LARP1B: variants seen among roughly 807,000 people sequenced by gnomAD.
LARP1B encodes la-related protein 1B.
LARP1B carries 76 observed loss-of-function variants against 114.2 expected under a neutral mutation model. The ratio of observed to expected loss-of-function variants is 0.67; its 90% confidence interval spans 0.55 to 0.81. The LOEUF (loss-of-function observed/expected upper bound fraction) is 0.81, where lower values mean the gene tolerates loss of function less well. Ranked by LOEUF, LARP1B falls within the 30% of genes least tolerant of loss-of-function variation. LARP1B has a pLI of 0.00. For synonymous variants in LARP1B, 345 were observed against 348.0 expected (o/e 0.99, Z 0.10); for missense variants, 1,014 against 1,075.8 (o/e 0.94, Z 0.80).
At chr4:128,202,290 G>A (rs1756213311) in intron 17 of LARP1B, among the ~76,000 whole-genome samples, 1 of 152,086 alleles carries the variant, frequency 6.6e-6, no homozygotes, top group Non-Finnish European at 1.5e-5. Flanking sequence ...TTCAAACTGT[G>A]GTTTGCTACC....
At chr4:128,171,262 C>G (rs1040044545) in intron 12 of LARP1B, among the ~76,000 whole-genome samples, 2 of 151,890 alleles carry the variant, frequency 1.3e-5, no homozygotes, top group Non-Finnish European at 2.9e-5. Flanking sequence ...CCGAGTAGGT[C>G]GGACTACAGG....
intron 12 of LARP1B, among the ~76,000 whole-genome samples, chr4:128,170,852 A>T (rs181145140): frequency 0.025 from 2,416 of 95,022 alleles, 53 homozygotes; most frequent in Middle Eastern, 0.14. Flanking sequence ...CCTTTTTATT[A>T]TTCATTTTCT....
At chr4:128,086,077 G>A (rs564776785) in intron 5 of LARP1B, among the ~76,000 whole-genome samples, 56 of 140,520 alleles carry the variant, frequency 4.0e-4, no homozygotes, top group Admixed American at 8.8e-4. Context: ...GCAGTGGCGC[G>A]ATCTCGGCTC....
intron 12 of LARP1B, among the ~76,000 whole-genome samples, chr4:128,169,747 C>T (rs998609631): frequency 6.6e-6 from 1 of 152,108 alleles, no homozygotes; most frequent in African/African-American, 2.4e-5. Flanking sequence ...AGCGATTCTC[C>T]TGCCTCAGCC....
chr4:128,087,211 G>A lies in LARP1B; in HGVS notation c.359-3790G>A, dbSNP rs192635680. On this transcript the variant is annotated intron_variant, in intron 5 of 19. Coordinates refer to ENST00000326639, the MANE Select transcript of LARP1B (RefSeq NM_018078.4). ...GCTAGGATTACAGGTGCGATCCACC[G>A]CATCCGGCCCAGATACATTTTTTCA... is the stretch of plus-strand genomic sequence containing the variant. Among the ~76,000 whole-genome samples the A allele has an allele frequency of 1.1e-3, 164 of 152,166 alleles. 1 individual carries two copies. The highest frequency in any genetic ancestry group is 6.8e-3 in the Middle Eastern group (2 of 294).
intron 8 of LARP1B, among the ~76,000 whole-genome samples, chr4:128,100,393 C>T (rs1779880654): frequency 6.6e-6 from 1 of 152,192 alleles, no homozygotes. Flanking sequence ...CTGCCTCAGC[C>T]TCCCAAGTAG....
At chr4:128,170,425 G>A (rs887024709) in intron 12 of LARP1B, among the ~76,000 whole-genome samples, 1 of 152,106 alleles carries the variant, frequency 6.6e-6, no homozygotes, top group African/African-American at 2.4e-5. Flanking sequence ...TACTGAGAGA[G>A]GAGTGTTGAA....
intron 17 of LARP1B, among the ~76,000 whole-genome samples, chr4:128,203,814 A>G (rs1377912662): frequency 6.6e-6 from 1 of 152,228 alleles, no homozygotes; most frequent in Admixed American, 6.5e-5. Context: ...GAGGGTTTAC[A>G]AATATCTATT....
intron 9 of LARP1B, among the ~76,000 whole-genome samples, chr4:128,112,748 A>G (rs1375236545): frequency 2.0e-5 from 3 of 152,094 alleles, no homozygotes; most frequent in Non-Finnish European, 4.4e-5. Flanking sequence ...TGCTGGGATT[A>G]CAGGCATGAG....
chr4:128,216,970 G>A (rs903780555), downstream of LARP1B, among the ~76,000 whole-genome samples: 2 of 151,086 alleles, frequency 1.3e-5, no homozygotes, highest in African/African-American at 4.8e-5. Flanking sequence ...TATCACCACC[G>A]ATCCCACAGA....
chr4:128,061,818 G>A, intron 1 of LARP1B: 7 of 984,830 alleles, frequency 7.1e-6, no homozygotes, highest in Non-Finnish European at 8.4e-6. Context: ...CCGCCCGAAT[G>A]TGAGGGCAAA....
chr4:128,185,338 A>G (rs1220425519), intron 15 of LARP1B, among the ~76,000 whole-genome samples: 1 of 151,956 alleles, frequency 6.6e-6, no homozygotes. Flanking sequence ...TGCAACATCC[A>G]TTATTTTTTG....
At chr4:128,092,889 C>T (rs1776386847) in intron 7 of LARP1B, 1 of 985,356 alleles carries the variant, frequency 1.0e-6, no homozygotes, top group Non-Finnish European at 1.2e-6. Context: ...CTGCCAAGTC[C>T]CTTCTGAGAC....
At chr4:128,101,289 C>A (rs1361670793) in intron 8 of LARP1B, among the ~76,000 whole-genome samples, 2 of 151,266 alleles carry the variant, frequency 1.3e-5, no homozygotes, top group African/African-American at 4.9e-5. Flanking sequence ...GCTTGGTCAA[C>A]ATGGTCAAAC....
chr4:128,190,476 C>T (rs553419655), intron 15 of LARP1B, among the ~76,000 whole-genome samples: 3 of 152,246 alleles, frequency 2.0e-5, no homozygotes, highest in South Asian at 2.1e-4. Context: ...CGTCTCATCT[C>T]GAATTGTAAT....
chr4:128,136,668 T>C (rs1422460898), intron 11 of LARP1B, among the ~76,000 whole-genome samples: 1 of 152,246 alleles, frequency 6.6e-6, no homozygotes, highest in African/African-American at 2.4e-5. Flanking sequence ...AGTATATACA[T>C]GGTACTTAGA....
chr4:128,098,747 G>GTGTGTGTATATA lies in LARP1B; in HGVS notation c.813+418_813+419insGTGTGTATATAT. Among the ~76,000 whole-genome samples the GTGTGTGTATATA allele has an allele frequency of 2.4e-3, 37 of 15,562 alleles. 5 individuals are homozygous for GTGTGTGTATATA. Among genetic ancestry groups the GTGTGTGTATATA allele is most frequent in the South Asian group, 5.0e-3 (1 of 202 alleles). 10.2% of individuals were successfully genotyped at this position (15,562 alleles called of 152,430 possible). The stretch of plus-strand genomic sequence containing the variant: ...AGCATGTGTTCCTGTATATGTATGT[G>GTGTGTGTATATA]TATATATATATATATATATATTTTT... On this transcript the variant is annotated intron_variant, in intron 8 of 19. Coordinates refer to ENST00000326639, the MANE Select transcript of LARP1B (RefSeq NM_018078.4).
chr4:128,204,095 C>G (rs1756863150), intron 17 of LARP1B, among the ~76,000 whole-genome samples: 1 of 152,034 alleles, frequency 6.6e-6, no homozygotes, highest in South Asian at 2.1e-4. Context: ...AGTAAAAATC[C>G]AAATATTGCC....
At chr4:128,155,496 C>T (rs1356716728) in intron 11 of LARP1B, 2 of 789,382 alleles carry the variant, frequency 2.5e-6, no homozygotes, top group Admixed American at 3.4e-5. Context: ...AGAAGTTCCA[C>T]CTCGTGCCAA....
Sources: allele counts gnomAD v4.1 joint callset (sites outside exome capture counted in the v4.1 genomes callset), GRCh38; gene constraint gnomAD v4.1.1; transcripts MANE v1.5; gene names NCBI Gene and HGNC (gene_info 2026-07-23, HGNC 2026-07-21).